The following WDR27 variants were observed in gnomAD, a reference collection of about 807,000 sequenced individuals.
The protein encoded by WDR27 is WD repeat domain 27.
In WDR27, 100 loss-of-function variants were observed where a neutral mutation model predicts 114.4. The ratio of observed to expected loss-of-function variants is 0.87; its 90% CI spans 0.74 to 1.03. WDR27 has a LOEUF of 1.03. Ranked by LOEUF, WDR27 falls within the 50% of genes least tolerant of loss-of-function variation. The pLI, the probability that WDR27 is intolerant of heterozygous loss-of-function variation, is 0.00. For synonymous variants in WDR27, 449 were observed against 423.1 expected, an observed-to-expected ratio of 1.06 and a Z score of -0.75; for missense variants, 1,129 against 1,092.9, an observed-to-expected ratio of 1.03 and a Z score of -0.47.
chr6:169,479,761 T>G lies in WDR27; in HGVS notation c.2646-22127A>C, dbSNP rs563569891. On this transcript the variant is annotated intron_variant, in intron 25 of 25. Coordinates refer to ENST00000448612, the MANE Select transcript of WDR27 (RefSeq NM_182552.5). ...AGGTTACAAGTGCAGGTTTGTTACA[T>G]AGGTTAACTTGTGTTATGGGAGTTT... Among the ~76,000 whole-genome samples the G allele has an allele frequency of 8.5e-5, 13 of 152,386 alleles. No individual in the cohort carries two copies. The East Asian group carries it at 2.1e-3, about 25-fold the overall frequency.
intron 23 of WDR27, among the ~76,000 whole-genome samples, chr6:169,597,279 A>G (rs1464383049): frequency 1.3e-5 from 2 of 152,220 alleles, no homozygotes; most frequent in Non-Finnish European, 2.9e-5. Context: ...GGTTATTTTT[A>G]AAACCTTGTC....
At chr6:169,492,163 AT>A (rs1394159621) in intron 25 of WDR27, among the ~76,000 whole-genome samples, 1 of 152,078 alleles carries the variant, frequency 6.6e-6, no homozygotes, top group Non-Finnish European at 1.5e-5. Flanking sequence ...TACTTTACAA[AT>A]TGTAATAAAA....
intron 21 of WDR27, among the ~76,000 whole-genome samples, chr6:169,631,982 C>T (rs1816513751): frequency 6.6e-6 from 1 of 151,980 alleles, no homozygotes; most frequent in African/African-American, 2.4e-5. Context: ...GTCAGGAGTT[C>T]GAGACCAGCC....
chr6:169,509,527 G>C (rs2115522549), intron 25 of WDR27, among the ~76,000 whole-genome samples: 2 of 151,832 alleles, frequency 1.3e-5, no homozygotes, highest in African/African-American at 4.8e-5. Flanking sequence ...CAAGCAATGG[G>C]GAAAGGATTC....
intron 20 of WDR27, among the ~76,000 whole-genome samples, chr6:169,634,226 T>C (rs150416319): frequency 6.6e-6 from 1 of 152,282 alleles, no homozygotes; most frequent in East Asian, 1.9e-4. Context: ...AGGTTTCTTC[T>C]TCCTCTGAGG....
intron 23 of WDR27, among the ~76,000 whole-genome samples, chr6:169,592,869 G>C (rs1383718410): frequency 3.3e-5 from 5 of 152,142 alleles, no homozygotes; most frequent in Non-Finnish European, 5.9e-5. Flanking sequence ...GGGTGTTTTA[G>C]CAGAAATGAA....
At chr6:169,645,570 C>G (rs575222907) in intron 16 of WDR27, among the ~76,000 whole-genome samples, 2 of 143,846 alleles carry the variant, frequency 1.4e-5, no homozygotes, top group African/African-American at 2.6e-5. Context: ...CTAGTTCACA[C>G]GAGTCACGCT....
In WDR27 at chr6:169,659,058, A is replaced by G; in HGVS notation, c.1319+28T>C. 1 of 1,519,380 alleles carries G rather than the reference A, an allele frequency of 6.6e-7. No individual in the cohort carries two copies. Among genetic ancestry groups the G allele is most frequent in the Non-Finnish European group, 8.8e-7 (1 of 1,135,604 alleles). 94.1% of individuals were successfully genotyped at this position (1,519,380 alleles called of 1,614,324 possible). A position where few individuals can be genotyped will look rare whatever the true frequency, so the allele number is the denominator to read the frequency against. ...ATGGCACTTATTGGTGAACACACAC[A>G]CACACTCCACACTTGAAGACACTCT... On this transcript the variant is annotated intron_variant, in intron 12 of 25. Transcript: ENST00000448612. This position sits in a 1 kb window ranked among gnomAD's most constrained non-coding sequence, Gnocchi z 4.3.
intron 25 of WDR27, among the ~76,000 whole-genome samples, chr6:169,539,611 CA>C (rs1277748111): frequency 3.3e-5 from 5 of 152,168 alleles, no homozygotes; most frequent in Non-Finnish European, 5.9e-5. Context: ...TCTTTCATCC[CA>C]GCCCTCCCCA....
intron 23 of WDR27, among the ~76,000 whole-genome samples, chr6:169,592,947 A>G (rs1806040371): frequency 6.6e-6 from 1 of 152,204 alleles, no homozygotes; most frequent in African/African-American, 2.4e-5. Flanking sequence ...AGTTAATATT[A>G]TGAGGGAATT....
chr6:169,606,788 C>A lies in WDR27; in HGVS notation c.2322-4467G>T, dbSNP rs556509593. ...GCAATGAACATATGCATGCATGTAT[C>A]TTTATAATAGAATGATTTATATTCC... On this transcript the variant is annotated intron_variant, in intron 22 of 25. Coordinates refer to ENST00000448612, the MANE Select transcript of WDR27 (RefSeq NM_182552.5). Among the ~76,000 whole-genome samples the A allele has an allele frequency of 4.6e-5, 7 of 152,266 alleles. No homozygotes were observed. The South Asian group carries it at 1.5e-3, about 32-fold the overall frequency.
At chr6:169,636,960 C>G (rs1369642632) in intron 18 of WDR27, among the ~76,000 whole-genome samples, 1 of 152,202 alleles carries the variant, frequency 6.6e-6, no homozygotes, top group Non-Finnish European at 1.5e-5. Context: ...GGCCCTAGGT[C>G]TTCTTTAATT....
chr6:169,589,424 C>A (rs1367963145), intron 23 of WDR27, among the ~76,000 whole-genome samples: 1 of 152,296 alleles, frequency 6.6e-6, no homozygotes, highest in East Asian at 1.9e-4. Context: ...AGGCCACTCA[C>A]CTCTTGAAAA....
At chr6:169,551,522 G>A (rs1343958860) in intron 25 of WDR27, among the ~76,000 whole-genome samples, 5 of 152,014 alleles carry the variant, frequency 3.3e-5, no homozygotes, top group African/African-American at 9.7e-5. Flanking sequence ...ATTACCTGAG[G>A]TCACGAGTTC....
At chr6:169,678,974 G>C (rs892256803) in intron 2 of WDR27, among the ~76,000 whole-genome samples, 1 of 152,116 alleles carries the variant, frequency 6.6e-6, no homozygotes, top group South Asian at 2.1e-4. Context: ...TCTGCTATCT[G>C]AGAGCTTACT....
At position 169,475,581 on chromosome 6, in the gene WDR27, T is replaced by C. The variant is rs186725565; in HGVS notation, c.2646-17947A>G. 1.4e-3 allele frequency among the ~76,000 whole-genome samples: 217 copies of C among 152,362 alleles called. 1 individual carries two copies. The highest frequency in any genetic ancestry group is 1.8e-3 in the Non-Finnish European group (121 of 68,032). Reference sequence around the variant, plus strand: ...GAGATATTTAAATCATATATTTAAATAGAAATCGTTTTATTTTTCACAATG... The same window carrying C: ...GAGATATTTAAATCATATATTTAAACAGAAATCGTTTTATTTTTCACAATG... On this transcript the variant is annotated intron_variant, in intron 25 of 25. Coordinates refer to ENST00000448612, the MANE Select transcript of WDR27 (RefSeq NM_182552.5).
intron 25 of WDR27, among the ~76,000 whole-genome samples, chr6:169,568,215 C>T (rs1800815566): frequency 6.6e-6 from 1 of 152,122 alleles, no homozygotes; most frequent in African/African-American, 2.4e-5. Context: ...GAAGGTGAGT[C>T]CCAGGCTCTG....
intron 25 of WDR27, among the ~76,000 whole-genome samples, chr6:169,567,534 T>G (rs978899311): frequency 6.6e-6 from 1 of 152,082 alleles, no homozygotes; most frequent in South Asian, 2.1e-4. Flanking sequence ...AGATGAGAAC[T>G]TCACACACAG....
intron 25 of WDR27, among the ~76,000 whole-genome samples, chr6:169,566,922 T>C (rs920963951): frequency 7.2e-5 from 11 of 152,154 alleles, no homozygotes; most frequent in African/African-American, 1.4e-4. Context: ...AATTAATATT[T>C]ACTCTACTTG....
Sources: allele counts gnomAD v4.1 joint callset (sites outside exome capture counted in the v4.1 genomes callset), GRCh38; gene constraint gnomAD v4.1.1; non-coding constraint Gnocchi (gnomAD v3.1); transcripts MANE v1.5; gene names NCBI Gene and HGNC (gene_info 2026-07-23, HGNC 2026-07-21).